SVOPL: variants seen among roughly 807,000 people sequenced by gnomAD.
SVOPL encodes putative transporter SVOPL.
SVOPL carries 60 observed loss-of-function variants against 61.0 expected under a neutral mutation model. That is an observed-to-expected ratio of 0.98 (90% CI 0.80 to 1.22). The LOEUF is 1.22. Among genes scored for constraint, SVOPL ranks in the 50% most tolerant of loss-of-function variants. The pLI is 0.00. For synonymous variants in SVOPL, 279 were observed against 250.0 expected (o/e 1.12, Z -1.09); for missense variants, 662 against 643.9 (o/e 1.03, Z -0.30).
chr7:138,688,819 A>G (rs1802876580), intron 1 of SVOPL, among the ~76,000 whole-genome samples: 2 of 152,150 alleles, frequency 1.3e-5, no homozygotes, highest in African/African-American at 4.8e-5. Flanking sequence ...ACATAATCTT[A>G]TGAGTTGAAT....
chr7:138,659,180 A>G (rs1241325158), intron 6 of SVOPL, among the ~76,000 whole-genome samples: 1 of 152,128 alleles, frequency 6.6e-6, no homozygotes, highest in Non-Finnish European at 1.5e-5. Flanking sequence ...TAACTCCTTC[A>G]ACCAATGCCA....
chr7:138,665,804 C>T (rs906151136), intron 4 of SVOPL, among the ~76,000 whole-genome samples: 1 of 152,106 alleles, frequency 6.6e-6, no homozygotes, highest in Non-Finnish European at 1.5e-5. Flanking sequence ...TGGCAAGTAA[C>T]GCTTTTCTGA....
At chr7:138,608,303 A>G (rs1266753804) in intron 14 of SVOPL, among the ~76,000 whole-genome samples, 1 of 152,262 alleles carries the variant, frequency 6.6e-6, no homozygotes, top group Non-Finnish European at 1.5e-5. Flanking sequence ...TAGAACAGCC[A>G]GTTTAAAAAA....
intron 9 of SVOPL, among the ~76,000 whole-genome samples, chr7:138,638,230 G>A (rs1258364637): frequency 2.1e-5 from 3 of 142,094 alleles, no homozygotes; most frequent in Non-Finnish European, 3.0e-5. Flanking sequence ...CCGAGATGGC[G>A]CCACTGTACT....
At chr7:138,636,115 A>C (rs1800457109) in intron 9 of SVOPL, among the ~76,000 whole-genome samples, 2 of 152,144 alleles carry the variant, frequency 1.3e-5, no homozygotes, top group South Asian at 4.1e-4. Flanking sequence ...TTTTTAGTAG[A>C]GATGAGGTTT....
intron 1 of SVOPL, among the ~76,000 whole-genome samples, chr7:138,691,673 C>T (rs296914): frequency 0.66 from 99,761 of 151,740 alleles, 35,112 homozygotes; most frequent in African/African-American, 0.91. Context: ...CCCGAGAAGC[C>T]GGGATTACAG....
intron 1 of SVOPL, among the ~76,000 whole-genome samples, chr7:138,698,693 A>G (rs937768240): frequency 4.6e-5 from 7 of 152,142 alleles, no homozygotes; most frequent in Admixed American, 2.6e-4. Context: ...ACTTTCTCTT[A>G]AGTGTGTGAT....
At position 138,672,056 on chromosome 7, in the gene SVOPL, C is replaced by T; in HGVS notation, c.236G>A (p.Trp79Ter). 1 of 1,551,678 alleles carries T rather than the reference C, an allele frequency of 6.4e-7. No individual in the cohort carries two copies. The highest frequency in any genetic ancestry group is 8.7e-7 in the Non-Finnish European group (1 of 1,147,004). The change falls in exon 4 of 16, where the codon TGG (tryptophan) becomes TAG (stop). Residue 79 changes from tryptophan (W) to a stop codon, truncating the protein, a stop_gained. Coordinates refer to ENST00000674285, the MANE Select transcript of SVOPL (RefSeq NM_001139456.2). LOFTEE classifies it high-confidence loss of function. Reference sequence around the variant, plus strand: ...TGCCACCTGCCAATTCTCCAGTTGCCATTCACAGCGGATGACAGGAGACAC... The same window carrying T: ...TGCCACCTGCCAATTCTCCAGTTGCTATTCACAGCGGATGACAGGAGACAC... Reference protein sequence around the residue: ...AVVSPVIRCEWQLENWQVALV... With the variant: ...AVVSPVIRCE
chr7:138,696,729 C>T (rs773751698), intron 1 of SVOPL, among the ~76,000 whole-genome samples: 7 of 152,016 alleles, frequency 4.6e-5, no homozygotes, highest in Non-Finnish European at 8.8e-5. Flanking sequence ...CTGGTCTGCC[C>T]GGCTAATTTT....
chr7:138,614,772 C>T (rs554831820), intron 14 of SVOPL, among the ~76,000 whole-genome samples: 35 of 152,258 alleles, frequency 2.3e-4, no homozygotes, highest in African/African-American at 4.3e-4. Context: ...ATGCGACTGA[C>T]GACAACGGAA....
chr7:138,663,006 G>A, intron 5 of SVOPL, 68 bp downstream of exon 5: 2 of 1,609,064 alleles, frequency 1.2e-6, no homozygotes, highest in Admixed American at 1.7e-5. Flanking sequence ...AAGAGAAACA[G>A]TGATAAGGTT....
chr7:138,693,286 G>A (rs1366303435), intron 1 of SVOPL, among the ~76,000 whole-genome samples: 1 of 152,046 alleles, frequency 6.6e-6, no homozygotes, highest in East Asian at 1.9e-4. Context: ...CGGAAGGATT[G>A]TTTGATTGCT....
At chr7:138,653,530 A>T (rs1368891924) in intron 7 of SVOPL, among the ~76,000 whole-genome samples, 1 of 152,154 alleles carries the variant, frequency 6.6e-6, no homozygotes, top group African/African-American at 2.4e-5. Context: ...GGCCGTGCAC[A>T]GTGCCTCTTA....
chr7:138,611,222 A>T (rs1166262735), intron 14 of SVOPL, among the ~76,000 whole-genome samples: 1 of 152,162 alleles, frequency 6.6e-6, no homozygotes, highest in Non-Finnish European at 1.5e-5. Context: ...TATTAAAAAT[A>T]AAAAAATTAG....
chr7:138,651,744 A>G (rs1264354124), intron 7 of SVOPL, among the ~76,000 whole-genome samples: 1 of 152,106 alleles, frequency 6.6e-6, no homozygotes, highest in African/African-American at 2.4e-5. Flanking sequence ...AACTCAATAG[A>G]TGCTGTGGAG....
intron 14 of SVOPL, among the ~76,000 whole-genome samples, chr7:138,615,560 C>CAAAAAAAAAAAA (rs770404185): frequency 0.044 from 242 of 5,546 alleles, 39 homozygotes; most frequent in African/African-American, 0.077. Context: ...ACTCCGTCTC[C>CAAAAAAAAAAAA]AAAAAAAAAA....
intron 9 of SVOPL, among the ~76,000 whole-genome samples, chr7:138,642,552 C>T (rs1422453295): frequency 4.0e-5 from 6 of 151,860 alleles, no homozygotes; most frequent in Non-Finnish European, 8.8e-5. Flanking sequence ...CAAGGCTGGG[C>T]ACGGTGGCTC....
intron 14 of SVOPL, among the ~76,000 whole-genome samples, chr7:138,605,986 T>C (rs950857149): frequency 1.3e-5 from 2 of 149,580 alleles, no homozygotes; most frequent in Non-Finnish European, 3.0e-5. Context: ...AAATAAATTT[T>C]TTTTTAAATT....
intron 7 of SVOPL, among the ~76,000 whole-genome samples, chr7:138,651,599 G>C (rs1003380172): frequency 2.0e-5 from 3 of 152,094 alleles, no homozygotes; most frequent in Admixed American, 2.0e-4. Flanking sequence ...AGTAATTCTC[G>C]CAATATTTCA....
Sources: gnomAD v4.1 joint callset for allele counts (sites outside exome capture counted in the v4.1 genomes callset) on GRCh38, gnomAD v4.1.1 for gene constraint, MANE v1.5 for transcripts, NCBI Gene and HGNC (gene_info 2026-07-23, HGNC 2026-07-21) for gene names.